The following DPPA5 variants were observed in gnomAD, a reference collection of about 807,000 sequenced individuals.
The protein encoded by DPPA5 is developmental pluripotency associated 5.
A neutral mutation model predicts 11.3 loss-of-function variants in DPPA5; 11 were observed. The observed-to-expected ratio is 0.97, with a 90% CI of 0.61 to 1.61. The LOEUF (loss-of-function observed/expected upper bound fraction) is 1.61, where lower values mean the gene tolerates loss of function less well. DPPA5 is among the 40% of genes most tolerant of loss of function. DPPA5 has a pLI of 0.00. For missense variants in DPPA5, 132 were observed against 151.8 expected (o/e 0.87, Z 0.68); for synonymous variants, 53 against 59.2 (o/e 0.90, Z 0.48).
At position 73,354,197 on chromosome 6, in the gene DPPA5, A is replaced by C. The variant is rs1470236831; in HGVS notation, c.29T>G (p.Ile10Ser). The change falls in exon 1 of 3, where the codon ATC becomes AGC. Residue 10 changes from isoleucine to serine, a missense_variant. Coordinates refer to ENST00000370370, the MANE Select transcript of DPPA5 (RefSeq NM_001025290.3). ...TTCGGGAACTTTCACCCACGGCGGG[A>C]TATGTCTACGTGCCGGGAGAGTTCC... Reference protein sequence around the residue: MGTLPARRHIPPWVKVPEDL... With the variant: MGTLPARRHSPPWVKVPEDL... 1 of 1,614,062 alleles carries C rather than the reference A, an allele frequency of 6.2e-7. No homozygotes were observed. Among genetic ancestry groups the C allele is most frequent in the Non-Finnish European group, 8.5e-7 (1 of 1,180,030 alleles).
At chr6:73,353,828 C>T in intron 2 of DPPA5, 25 bp downstream of exon 2, 3 of 1,610,730 alleles carry the variant, frequency 1.9e-6, no homozygotes, top group Non-Finnish European at 2.5e-6. Flanking sequence ...CTGTGTTCCG[C>T]GTACCCAGTC....
In DPPA5 at chr6:73,353,518, G is replaced by C. The variant is rs566814969; in HGVS notation, c.293-140C>G. ...CCTGAGAGTCAGGCCCAGAACCTTGGAACCCGAGACTACTCGGCCCATTCG... is the reference window on the plus strand; with the variant it reads ...CCTGAGAGTCAGGCCCAGAACCTTGCAACCCGAGACTACTCGGCCCATTCG... On this transcript the variant is annotated intron_variant, in intron 2 of 2. Coordinates refer to ENST00000370370, the MANE Select transcript of DPPA5 (RefSeq NM_001025290.3). The C allele has an allele frequency of 3.0e-6, 3 of 987,010 alleles. No individual in the cohort carries two copies. In the South Asian group the frequency reaches 4.4e-5, roughly 14 times the overall value. The allele number at this position is 987,010 out of a possible 1,614,324, so 61.1% of individuals were successfully genotyped here.
rs537827943 is a variant in DPPA5, at chr6:73,354,220, T to G, written c.6A>C (p.Gly2=). The G allele has an allele frequency of 6.2e-7, 1 of 1,613,994 alleles. No homozygotes were observed. The highest frequency in any genetic ancestry group is 8.5e-7 in the Non-Finnish European group (1 of 1,179,950). M[G]TLPARRHIPP... is the part of the protein sequence containing the mutation. ...GGATATGTCTACGTGCCGGGAGAGT[T>G]CCCATCTTATGACCCTCACAACCAA... Residue 2 remains glycine (G), a synonymous_variant, in exon 1 of 3, where the codon GGA becomes GGC. Coordinates refer to ENST00000370370, the MANE Select transcript of DPPA5 (RefSeq NM_001025290.3).
rs1157461946 is a variant in DPPA5 at position 73,353,997 on chromosome 6, C to T, written c.148G>A (p.Val50Met). The T allele has an allele frequency of 1.2e-6, 2 of 1,614,134 alleles. No individual in the cohort carries two copies. Among genetic ancestry groups the T allele is most frequent in the Admixed American group, 3.3e-5 (2 of 60,022 alleles). ...DGSRIPYIEQ[V>M]SKAMLELKAL... ...TTCAGCTCGAGCATGGCCTTGCTCA[C>T]CTGCTCGATGTAAGGGATTCGAGAT... The change falls in exon 2 of 3, where the codon GTG becomes ATG. Residue 50 changes from valine to methionine, a missense_variant. Physicochemically the swap from Val to Met is conservative, Grantham distance 21. Transcript: ENST00000370370.
chr6:73,353,887 G>A lies in DPPA5; in HGVS notation c.258C>T (p.Ser86=). The part of the protein sequence containing the change: ...YKLRTKWMLQ[S]MAEWHRQRQE... ...GGCGCTGGCGGTGCCACTCAGCCAT[G>A]GACTGGAGCATCCACTTGGTCCGGA... Residue 86 remains serine, a synonymous_variant, in exon 2 of 3, where the codon TCC becomes TCT. Coordinates refer to ENST00000370370, the MANE Select transcript of DPPA5 (RefSeq NM_001025290.3). The A allele has an allele frequency of 3.7e-6, 6 of 1,613,954 alleles. No individual in the cohort carries two copies. The highest frequency in any genetic ancestry group is 5.1e-6 in the Non-Finnish European group (6 of 1,179,992).
rs1294791815 is a variant in DPPA5, at chr6:73,353,397, C to T, written c.293-19G>A. 1 of 1,614,094 alleles carries T rather than the reference C, an allele frequency of 6.2e-7. No individual in the cohort carries two copies. The highest frequency in any genetic ancestry group is 8.5e-7 in the Non-Finnish European group (1 of 1,179,998). On this transcript the variant is annotated intron_variant, in intron 2 of 2. Transcript: ENST00000370370. ...AGCATCCCTGCACCAGAAATAGCAACAGCGGCGTGAGTCTGGGGGAAAATA... is the reference window on the plus strand; with the variant it reads ...AGCATCCCTGCACCAGAAATAGCAATAGCGGCGTGAGTCTGGGGGAAAATA...
rs1400676958 is a variant in DPPA5 at position 73,354,036 on chromosome 6, T to C, written c.113-4A>G. On this transcript the variant is annotated splice_polypyrimidine_tract_variant and splice_region_variant and intron_variant, in intron 1 of 2. Transcript: ENST00000370370. ...GGGATTCGAGATCCGTCCGGGCCTG[T>C]TGGGGAAAAGAGATGAGATCCCCGG... is the stretch of plus-strand genomic sequence containing the variant. The C allele has an allele frequency of 1.2e-6, 2 of 1,613,836 alleles. No homozygotes were observed. The highest frequency in any genetic ancestry group is 1.1e-5 in the South Asian group (1 of 91,084).
intron 2 of DPPA5, among the ~76,000 whole-genome samples, chr6:73,353,606 C>T (rs1204057705): frequency 6.6e-6 from 1 of 152,148 alleles, no homozygotes; most frequent in Non-Finnish European, 1.5e-5. Flanking sequence ...TAACCCTGCC[C>T]AGTGGGTCCA....
chr6:73,353,707 GA>G, intron 2 of DPPA5, 145 bp downstream of exon 2: 1 of 1,154,280 alleles, frequency 8.7e-7, no homozygotes, highest in Non-Finnish European at 1.2e-6. Flanking sequence ...GGGGTCTTGG[GA>G]AGGCCCAGAT....
chr6:73,353,800 G>C, intron 2 of DPPA5, 53 bp downstream of exon 2: 1 of 1,585,338 alleles, frequency 6.3e-7, no homozygotes, highest in Non-Finnish European at 8.6e-7. Context: ...GGAGAGGCGC[G>C]AAGCGGCCCC....
Position 73,353,913 on chromosome 6 carries a change from G to C in DPPA5, c.232C>G (p.Leu78Val), listed in dbSNP as rs774576711. 2.1e-5 allele frequency: 34 copies of C among 1,613,996 alleles called. No individual in the cohort carries two copies. The highest frequency in any genetic ancestry group is 2.8e-5 in the Non-Finnish European group (33 of 1,180,010). Residue 78 changes from leucine (L) to valine (V), a missense_variant, in exon 2 of 3, where the codon CTC (leucine) becomes GTC (valine). Coordinates refer to ENST00000370370, the MANE Select transcript of DPPA5 (RefSeq NM_001025290.3). ...VVVYGSYLYK[L>V]RTKWMLQSMA... ...GACTGGAGCATCCACTTGGTCCGGAGCTTGTACAAATAGGAGCCGTAAACC... is the reference window on the plus strand; with the variant it reads ...GACTGGAGCATCCACTTGGTCCGGACCTTGTACAAATAGGAGCCGTAAACC...
At position 73,353,131 on chromosome 6, in the gene DPPA5, A is replaced by T; in HGVS notation, c.*189T>A. On this transcript the variant is annotated 3_prime_UTR_variant, in exon 3 of 3. Coordinates refer to ENST00000370370, the MANE Select transcript of DPPA5 (RefSeq NM_001025290.3). ...AAAGAAAAAACACTTTTTATTAACA[A>T]TCATCAAAGAAATATTCACAACAAG... is the stretch of plus-strand genomic sequence containing the variant. 1.7e-6 allele frequency: 1 copy of T among 602,870 alleles called. No homozygotes were observed. 37.3% of individuals were successfully genotyped at this position (602,870 alleles called of 1,614,324 possible).
chr6:73,353,718 T>C (rs977153729), intron 2 of DPPA5, 135 bp downstream of exon 2: 43 of 1,252,986 alleles, frequency 3.4e-5, no homozygotes, highest in Non-Finnish European at 4.3e-5. Flanking sequence ...AAGGCCCAGA[T>C]GCCAAGGGCA....
chr6:73,353,814 G>T, intron 2 of DPPA5, 39 bp downstream of exon 2: 2 of 1,603,580 alleles, frequency 1.2e-6, no homozygotes, highest in South Asian at 2.2e-5. Context: ...CGGCCCCCGC[G>T]AGCCTGTGTT....
Position 73,353,397 on chromosome 6 carries a change from C to G in DPPA5, c.293-19G>C. The G allele has an allele frequency of 6.2e-7, 1 of 1,614,094 alleles. No individual in the cohort carries two copies. The highest frequency in any genetic ancestry group is 8.5e-7 in the Non-Finnish European group (1 of 1,179,998). ...AGCATCCCTGCACCAGAAATAGCAA[C>G]AGCGGCGTGAGTCTGGGGGAAAATA... On this transcript the variant is annotated intron_variant, in intron 2 of 2. Transcript: ENST00000370370.
At chr6:73,354,076 C>T in intron 1 of DPPA5, 38 bp downstream of exon 1, 1 of 1,613,862 alleles carries the variant, frequency 6.2e-7, no homozygotes, top group Non-Finnish European at 8.5e-7. Context: ...GCTGAGACTC[C>T]CGAGCCGGGG....
rs1768716165 is a variant in DPPA5 at position 73,353,291 on chromosome 6, C to T, written c.*29G>A. On this transcript the variant is annotated 3_prime_UTR_variant, in exon 3 of 3. Coordinates refer to ENST00000370370, the MANE Select transcript of DPPA5 (RefSeq NM_001025290.3). ...TGGCCACAACCTAATCTCTGCAACC[C>T]GGCTTCATTGCATTGGCTGGAAACT... The T allele has an allele frequency of 4.3e-6, 7 of 1,613,890 alleles. No individual in the cohort carries two copies. The highest frequency in any genetic ancestry group is 5.9e-6 in the Non-Finnish European group (7 of 1,179,866).
At chr6:73,353,524 G>A in intron 2 of DPPA5, 146 bp from the exon 3 acceptor site, 7 of 911,888 alleles carry the variant, frequency 7.7e-6, no homozygotes, top group South Asian at 4.6e-5. Flanking sequence ...CTTGGAACCC[G>A]AGACTACTCG....
intron 2 of DPPA5, 144 bp from the exon 3 acceptor site, chr6:73,353,522 C>T: frequency 1.1e-6 from 1 of 941,962 alleles, no homozygotes; most frequent in Non-Finnish European, 1.6e-6. Flanking sequence ...ACCTTGGAAC[C>T]CGAGACTACT....
Sources: allele counts gnomAD v4.1 joint callset (sites outside exome capture counted in the v4.1 genomes callset), GRCh38; gene constraint gnomAD v4.1.1; transcripts MANE v1.5; gene names NCBI Gene and HGNC (gene_info 2026-07-23, HGNC 2026-07-21).